Variants in MICAL3 observed in about 807,000 individuals in gnomAD.
MICAL3 encodes the protein [F-actin]-monooxygenase MICAL3.
Under a neutral mutation model 207.4 loss-of-function variants are expected in MICAL3, and 62 were observed. The ratio of observed to expected loss-of-function variants is 0.30; its 90% confidence interval spans 0.24 to 0.37. The LOEUF (loss-of-function observed/expected upper bound fraction) is 0.37. Among genes scored for constraint, MICAL3 ranks in the 10% least tolerant of loss-of-function variants. MICAL3 has a pLI of 1.00. For missense variants in MICAL3, 2,368 were observed against 2,635.6 expected (o/e 0.90, Z 2.22); for synonymous variants, 1,077 against 1,069.3 (o/e 1.01, Z -0.14).
chr22:17,930,392 A>C (rs1399790998), intron 1 of MICAL3, among the ~76,000 whole-genome samples: 1 of 152,260 alleles, frequency 6.6e-6, no homozygotes, highest in Non-Finnish European at 1.5e-5. Context: ...ATACTCAAAA[A>C]TTGGAAACAT....
chr22:17,964,946 G>C (rs1308348481), intron 1 of MICAL3, among the ~76,000 whole-genome samples: 1 of 152,170 alleles, frequency 6.6e-6, no homozygotes, highest in African/African-American at 2.4e-5. Context: ...GGAGGTCTGG[G>C]AAAAGGGGAA....
At chr22:17,885,747 C>T (rs1929812060) in intron 16 of MICAL3, 131 bp downstream of exon 16, 3 of 921,800 alleles carry the variant, frequency 3.3e-6, no homozygotes, top group African/African-American at 3.3e-5. Flanking sequence ...TGCAGTCAGG[C>T]GAGGGAAAGC....
At chr22:17,953,930 CAAAAAAAAAAAAA>C (rs59740388) in intron 1 of MICAL3, among the ~76,000 whole-genome samples, 1,151 of 86,518 alleles carry the variant, frequency 0.013, 21 homozygotes, top group African/African-American at 0.038. Flanking sequence ...GACTCCATCT[CAAAAAAAAAAAAA>C]AAAAAAAAAA....
intron 16 of MICAL3, chr22:17,876,535 A>C (rs1182376476): frequency 6.6e-6 from 1 of 152,316 alleles, no homozygotes; most frequent in African/African-American, 2.4e-5. Context: ...CACAGGCCCC[A>C]GAGGGAGCTG....
At chr22:17,948,548 C>T (rs1756662742) in intron 1 of MICAL3, among the ~76,000 whole-genome samples, 1 of 152,194 alleles carries the variant, frequency 6.6e-6, no homozygotes, top group Non-Finnish European at 1.5e-5. Flanking sequence ...ATCTTGGGCT[C>T]ATCGTGGAAA....
intron 25 of MICAL3, among the ~76,000 whole-genome samples, chr22:17,820,522 T>C (rs1921460325): frequency 6.6e-6 from 1 of 152,116 alleles, no homozygotes; most frequent in African/African-American, 2.4e-5. Flanking sequence ...GCCCGGCTAA[T>C]TTTTTGTATT....
At chr22:17,973,494 G>A (rs1301906624) in intron 1 of MICAL3, among the ~76,000 whole-genome samples, 1 of 152,228 alleles carries the variant, frequency 6.6e-6, no homozygotes, top group Admixed American at 6.5e-5. Context: ...AGCACAGGGT[G>A]TGAAGCTGAT....
intron 16 of MICAL3, chr22:17,876,710 T>C (rs200867912): frequency 6.7e-6 from 1 of 149,456 alleles, no homozygotes; most frequent in Non-Finnish European, 1.5e-5. Flanking sequence ...TTATGGAGGT[T>C]AGGGAGGTTA....
chr22:17,976,031 A>G (rs1025896132), intron 1 of MICAL3, among the ~76,000 whole-genome samples: 4 of 148,524 alleles, frequency 2.7e-5, no homozygotes, highest in African/African-American at 1.0e-4. Context: ...CCTGGGCGAC[A>G]GAGCCAGACT....
At chr22:17,797,431 C>T (rs1404699899) in intron 29 of MICAL3, among the ~76,000 whole-genome samples, 1 of 152,074 alleles carries the variant, frequency 6.6e-6, no homozygotes, top group Non-Finnish European at 1.5e-5. Flanking sequence ...GAGGTCAAGG[C>T]TGCAGAGAGC....
intron 1 of MICAL3, among the ~76,000 whole-genome samples, chr22:17,946,033 C>T (rs1224368678): frequency 6.6e-6 from 1 of 152,164 alleles, no homozygotes; most frequent in Non-Finnish European, 1.5e-5. Context: ...GACCGGAAAT[C>T]CTCGCTAGTA....
At chr22:18,017,885 G>T (rs1924169407) in intron 1 of MICAL3, among the ~76,000 whole-genome samples, 1 of 152,016 alleles carries the variant, frequency 6.6e-6, no homozygotes, top group Non-Finnish European at 1.5e-5. Flanking sequence ...CGAGTAGCTG[G>T]TACTACAGGT....
intron 1 of MICAL3, among the ~76,000 whole-genome samples, chr22:17,953,563 A>C (rs1934452945): frequency 6.6e-6 from 1 of 152,114 alleles, no homozygotes; most frequent in Admixed American, 6.6e-5. Flanking sequence ...TGGGGGCTAT[A>C]GGGGACATCA....
chr22:18,007,301 T>G (rs1161890718), intron 1 of MICAL3: 2 of 152,254 alleles, frequency 1.3e-5, no homozygotes, highest in Non-Finnish European at 1.5e-5. Context: ...TCTGTGTACA[T>G]GTGTCATATA....
intron 16 of MICAL3, chr22:17,875,524 C>T: frequency 6.5e-7 from 1 of 1,530,632 alleles, no homozygotes; most frequent in Non-Finnish European, 8.8e-7. Flanking sequence ...CACTGGTCGA[C>T]AAAAAATCGA....
rs183229530 is a variant in MICAL3 at position 18,011,655 on chromosome 22, G to A, written c.-75+12626C>T. On this transcript the variant is annotated intron_variant, in intron 1 of 31. Coordinates refer to ENST00000441493, the MANE Select transcript of MICAL3 (RefSeq NM_015241.3). ...GGAGGCCAAGGCAGGCAGATCACGA[G>A]GTCAGGAGATCGAGACCATCCTGGC... 8.7e-3 allele frequency among the ~76,000 whole-genome samples: 1,325 copies of A among 151,950 alleles called. 17 individuals are homozygous for A. The highest frequency in any genetic ancestry group is 0.03 in the African/African-American group (1,235 of 41,438).
At chr22:17,978,219 T>A (rs538251890) in intron 1 of MICAL3, among the ~76,000 whole-genome samples, 6 of 152,304 alleles carry the variant, frequency 3.9e-5, no homozygotes, top group Admixed American at 2.6e-4. Flanking sequence ...TGAAAAGGAA[T>A]GAAATTCTGA....
At chr22:17,855,679 C>T (rs1049303168) in intron 19 of MICAL3, among the ~76,000 whole-genome samples, 1 of 152,232 alleles carries the variant, frequency 6.6e-6, no homozygotes, top group Non-Finnish European at 1.5e-5. Context: ...TCTCTTCCTC[C>T]ATTTCTTTAA....
At chr22:17,988,415 A>T (rs1452520765) in intron 1 of MICAL3, among the ~76,000 whole-genome samples, 1 of 105,508 alleles carries the variant, frequency 9.5e-6, no homozygotes, top group Non-Finnish European at 1.9e-5. Context: ...CGCCAGATCC[A>T]GCCTGCAGGC....
Sources: gnomAD v4.1 joint callset for allele counts (sites outside exome capture counted in the v4.1 genomes callset) on GRCh38, gnomAD v4.1.1 for gene constraint, MANE v1.5 for transcripts, NCBI Gene and HGNC (gene_info 2026-07-23, HGNC 2026-07-21) for gene names.